The following SMOC1 variants were observed in gnomAD, a reference collection of about 807,000 sequenced individuals.
SMOC1 encodes the protein SPARC-related modular calcium-binding protein 1.
Under a neutral mutation model 56.3 loss-of-function variants are expected in SMOC1, and 22 were observed. The observed-to-expected ratio is 0.39, with a 90% CI of 0.28 to 0.56. The LOEUF is 0.56. Ranked by LOEUF, SMOC1 falls within the 20% of genes least tolerant of loss-of-function variation. The pLI, the probability that SMOC1 is intolerant of heterozygous loss-of-function variation, is 0.61. For missense variants in SMOC1, 509 were observed against 565.4 expected (o/e 0.90, Z 1.01); for synonymous variants, 193 against 215.0 (o/e 0.90, Z 0.89).
At chr14:69,959,868 C>T (rs1371353238) in intron 3 of SMOC1, among the ~76,000 whole-genome samples, 1 of 152,104 alleles carries the variant, frequency 6.6e-6, no homozygotes, top group African/African-American at 2.4e-5. Flanking sequence ...TATTGTATTT[C>T]CTAAAACCTA....
chr14:70,015,397 A>G (rs1326991751), intron 10 of SMOC1, among the ~76,000 whole-genome samples: 4 of 152,092 alleles, frequency 2.6e-5, no homozygotes, highest in Non-Finnish European at 5.9e-5. Context: ...ATACACTTAG[A>G]TGTTTGTTAA....
At chr14:69,899,504 T>C (rs879449537) in intron 1 of SMOC1, among the ~76,000 whole-genome samples, 2 of 152,202 alleles carry the variant, frequency 1.3e-5, no homozygotes, top group Admixed American at 1.3e-4. Context: ...GCTATGATTG[T>C]AAGTTTTCTG....
intron 11 of SMOC1, among the ~76,000 whole-genome samples, chr14:70,023,862 T>A (rs116189429): frequency 0.024 from 3,498 of 148,626 alleles, 65 homozygotes; most frequent in Middle Eastern, 0.082. Context: ...TGTGTAGGGG[T>A]AGGAGTAGGG....
intron 5 of SMOC1, among the ~76,000 whole-genome samples, chr14:69,991,963 C>T (rs886908830): frequency 6.6e-6 from 1 of 152,098 alleles, no homozygotes; most frequent in East Asian, 1.9e-4. Context: ...ATCAGGGCCA[C>T]TGAGCTGGTA....
intron 11 of SMOC1, among the ~76,000 whole-genome samples, chr14:70,029,695 C>T (rs1886067804): frequency 6.6e-6 from 1 of 152,176 alleles, no homozygotes; most frequent in Admixed American, 6.5e-5. Flanking sequence ...CAGTTTCCCC[C>T]AGGCAAAATG....
chr14:69,914,599 A>AACAC (rs1884635846), intron 1 of SMOC1, among the ~76,000 whole-genome samples: 1 of 152,124 alleles, frequency 6.6e-6, no homozygotes, highest in Admixed American at 6.5e-5. Flanking sequence ...CAAACAAACA[A>AACAC]ACAAACACAA....
At chr14:69,969,464 G>T (rs993380561) in intron 3 of SMOC1, among the ~76,000 whole-genome samples, 1 of 152,200 alleles carries the variant, frequency 6.6e-6, no homozygotes, top group Non-Finnish European at 1.5e-5. Context: ...GCAGGAACAG[G>T]AGAGAGGGAG....
chr14:69,958,389 G>C (rs1365647476), intron 3 of SMOC1, among the ~76,000 whole-genome samples: 3 of 152,152 alleles, frequency 2.0e-5, no homozygotes, highest in Non-Finnish European at 4.4e-5. Flanking sequence ...GTGAAAATGT[G>C]GGCAAGAGAT....
chr14:69,994,498 G>C lies in SMOC1; in HGVS notation c.664+18G>C. 6.3e-7 allele frequency: 1 copy of C among 1,585,738 alleles called. No individual in the cohort carries two copies. The highest frequency in any genetic ancestry group is 8.7e-7 in the Non-Finnish European group (1 of 1,154,922). ...AAATTCAGGTAAATAACCTTCCTTG[G>C]ATTATATATGTACCCAGTCCATCCT... is the stretch of plus-strand genomic sequence containing the variant. On this transcript the variant is annotated intron_variant, in intron 7 of 11. Transcript: ENST00000361956.
intron 3 of SMOC1, among the ~76,000 whole-genome samples, chr14:69,966,329 C>T (rs1883576121): frequency 6.6e-6 from 1 of 152,228 alleles, no homozygotes; most frequent in Non-Finnish European, 1.5e-5. Context: ...GGAGCCCTAA[C>T]ACTCGGGTGT....
At chr14:69,932,841 G>A (rs964872698) in intron 1 of SMOC1, among the ~76,000 whole-genome samples, 3 of 152,040 alleles carry the variant, frequency 2.0e-5, no homozygotes, top group African/African-American at 7.2e-5. Context: ...TTTTGGGGAC[G>A]CTGGCAGCAG....
At chr14:69,893,445 C>T (rs549329260) in intron 1 of SMOC1, among the ~76,000 whole-genome samples, 6 of 152,200 alleles carry the variant, frequency 3.9e-5, no homozygotes, top group East Asian at 1.9e-4. Context: ...AGGCTGCATG[C>T]GATTGCAAAG....
chr14:69,993,247 G>A (rs1188538503), intron 6 of SMOC1, among the ~76,000 whole-genome samples: 1 of 152,168 alleles, frequency 6.6e-6, no homozygotes, highest in Admixed American at 6.5e-5. Flanking sequence ...AGAAATTGTG[G>A]CTGGTGGCAA....
intron 1 of SMOC1, chr14:69,885,433 G>T: frequency 6.2e-7 from 1 of 1,601,502 alleles, no homozygotes; most frequent in Non-Finnish European, 8.5e-7. Context: ...TGCCACCCCA[G>T]TGACGGCGGA....
At chr14:69,908,279 T>G (rs1377731396) in intron 1 of SMOC1, among the ~76,000 whole-genome samples, 1 of 152,210 alleles carries the variant, frequency 6.6e-6, no homozygotes, top group Non-Finnish European at 1.5e-5. Flanking sequence ...GACTTTCATT[T>G]CCCTTGTGTA....
Position 69,965,851 on chromosome 14 carries a change from G to A in SMOC1, c.379-9864G>A, listed in dbSNP as rs144677555. ...TTCAGGCAGAGCCATTAAGACACAC[G>A]TTTAGGGCTTTTGCCACTGCTCTGT... On this transcript the variant is annotated intron_variant, in intron 3 of 11. Transcript: ENST00000361956. Among the ~76,000 whole-genome samples, 64 of 152,328 alleles carry A rather than the reference G, an allele frequency of 4.2e-4. No homozygotes were observed. In the East Asian group the frequency reaches 4.4e-3, roughly 11 times the overall value.
chr14:69,946,648 C>A (rs755568635), intron 1 of SMOC1, among the ~76,000 whole-genome samples: 1 of 152,292 alleles, frequency 6.6e-6, no homozygotes, highest in African/African-American at 2.4e-5. Context: ...TTCCACCAAC[C>A]GTGATTGCTC....
rs1884595771 is a variant in SMOC1 at position 69,992,437 on chromosome 14, C to T, written c.547C>T (p.Pro183Ser). 2.5e-6 allele frequency: 4 copies of T among 1,614,084 alleles called. No individual in the cohort carries two copies. Among genetic ancestry groups the T allele is most frequent in the Non-Finnish European group, 2.5e-6 (3 of 1,179,970 alleles). The change falls in exon 6 of 12, where the codon CCC (proline) becomes TCC (serine). Residue 183 changes from proline (P) to serine (S), a missense_variant. Around this residue, in one of 3 missense-constraint regions of SMOC1, gnomAD observed 315 missense variants for 333.1 expected, o/e 0.95. Transcript: ENST00000361956. Reference protein sequence around the residue: ...GRKDDGSKPTPTMETQPVFDG... With the variant: ...GRKDDGSKPTSTMETQPVFDG... The stretch of plus-strand genomic sequence containing the variant: ...TTCAGATGACGGGTCTAAGCCGACA[C>T]CCACGATGGAGACCCAGCCGGTGTT...
chr14:70,014,381 G>A (rs1397311500), intron 10 of SMOC1, among the ~76,000 whole-genome samples: 3 of 152,204 alleles, frequency 2.0e-5, no homozygotes, highest in Non-Finnish European at 4.4e-5. Flanking sequence ...TAAAGAATGG[G>A]TAGGACTTAT....
Sources: gnomAD v4.1 joint callset for allele counts (sites outside exome capture counted in the v4.1 genomes callset) on GRCh38, gnomAD v4.1.1 for gene constraint, gnomAD v4.1.1 regional missense constraint, MANE v1.5 for transcripts, NCBI Gene and HGNC (gene_info 2026-07-23, HGNC 2026-07-21) for gene names.